Variants in SLC12A9 observed in about 807,000 individuals in gnomAD.
The protein encoded by SLC12A9 is CCC-interacting protein 1.
In SLC12A9, 55 loss-of-function variants were observed where a neutral mutation model predicts 66.0. The ratio of observed to expected loss-of-function variants is 0.83; its 90% CI spans 0.67 to 1.04. The LOEUF is 1.04. SLC12A9 is among the 50% of genes least tolerant of loss of function. SLC12A9 has a pLI of 0.00. For synonymous variants in SLC12A9, 577 were observed against 569.0 expected, an observed-to-expected ratio of 1.01 and a Z score of -0.20; for missense variants, 1,061 against 1,241.9, an observed-to-expected ratio of 0.85 and a Z score of 2.19.
intron 1 of SLC12A9, among the ~76,000 whole-genome samples, chr7:100,837,142 T>G (rs1347526812): frequency 1.3e-5 from 2 of 152,078 alleles, no homozygotes; most frequent in Non-Finnish European, 2.9e-5. Context: ...GGGGGCTCGC[T>G]ATGTTGCCCA....
chr7:100,832,544 AAGAC>A (rs775846719), intron 1 of SLC12A9, among the ~76,000 whole-genome samples: 3 of 152,162 alleles, frequency 2.0e-5, no homozygotes, highest in Non-Finnish European at 2.9e-5. Flanking sequence ...TCCTAGAGGA[AAGAC>A]AGAGAAAGAA....
In SLC12A9 at chr7:100,861,244, C is replaced by T. The variant is rs1345955806; in HGVS notation, c.1325C>T (p.Ala442Val). 6.2e-7 allele frequency: 1 copy of T among 1,614,074 alleles called. No homozygotes were observed. Among genetic ancestry groups the T allele is most frequent in the Admixed American group, 1.7e-5 (1 of 60,010 alleles). ...CTGTCCTGCCTGAGCCTGGAGTGGG[C>T]CTCGGCCCCCAACTTCCGGTGAGAG... is the stretch of plus-strand genomic sequence containing the variant. Reference protein sequence around the residue: ...VDLSCLSLEWASAPNFRPTFS... With the variant: ...VDLSCLSLEWVSAPNFRPTFS... The change falls in exon 10 of 14, where the codon GCC becomes GTC. Residue 442 changes from alanine (A) to valine (V), a missense_variant. Physicochemically the swap from Ala to Val is moderately conservative, Grantham distance 64. Transcript: ENST00000354161. The surrounding 1 kb of genome is among the most constrained non-coding windows in gnomAD (Gnocchi z 5.3).
chr7:100,848,175 G>A (rs997457823), upstream of SLC12A9, among the ~76,000 whole-genome samples: 6 of 151,644 alleles, frequency 4.0e-5, no homozygotes, highest in Non-Finnish European at 7.4e-5. Flanking sequence ...CTGGGCTAGA[G>A]GTACACCCTT....
In SLC12A9 at chr7:100,866,624, T is replaced by G; in HGVS notation, c.*19T>G. On this transcript the variant is annotated 3_prime_UTR_variant, in exon 14 of 14. Transcript: ENST00000354161. This position sits in a 1 kb window ranked among gnomAD's most constrained non-coding sequence, Gnocchi z 7.3. Reference sequence around the variant, plus strand: ...TCTGTGATGCCCCTGCCTCCAGGGCTAGGTAGAGAGGGCCCAGGCAGGCGG... The same window carrying G: ...TCTGTGATGCCCCTGCCTCCAGGGCGAGGTAGAGAGGGCCCAGGCAGGCGG... 1 of 1,518,146 alleles carries G rather than the reference T, an allele frequency of 6.6e-7. No homozygotes were observed. The highest frequency in any genetic ancestry group is 8.9e-7 in the Non-Finnish European group (1 of 1,129,076). 94.0% of individuals were successfully genotyped at this position (1,518,146 alleles called of 1,614,324 possible). A position where few individuals can be genotyped will look rare whatever the true frequency, so the allele number is the denominator to read the frequency against.
intron 1 of SLC12A9, among the ~76,000 whole-genome samples, chr7:100,838,883 T>C (rs188667737): frequency 1.3e-5 from 2 of 152,234 alleles, no homozygotes; most frequent in Admixed American, 6.5e-5. Context: ...ATTACAGACA[T>C]TGTATAGAAA....
upstream of SLC12A9, among the ~76,000 whole-genome samples, chr7:100,848,702 C>T (rs187266091): frequency 2.1e-4 from 32 of 151,810 alleles, no homozygotes; most frequent in East Asian, 2.4e-3. Context: ...CTGGCTAACA[C>T]GGTGAAACCC....
intron 1 of SLC12A9, among the ~76,000 whole-genome samples, chr7:100,827,710 A>G (rs1203000159): frequency 1.3e-5 from 2 of 151,686 alleles, no homozygotes. Flanking sequence ...AAGTTTGGAG[A>G]AGGGGGAGGG....
Position 100,861,083 on chromosome 7 carries a change from T to C in SLC12A9, c.1219-55T>C. ...GGCATTCTTTGGTGTTCACTGGCAT[T>C]TTGGGGGTGCACTGGCACTTTGGAA... On this transcript the variant is annotated intron_variant, in intron 9 of 13. Coordinates refer to ENST00000354161, the MANE Select transcript of SLC12A9 (RefSeq NM_020246.4). This position sits in a 1 kb window ranked among gnomAD's most constrained non-coding sequence, Gnocchi z 5.3. 6.2e-7 allele frequency: 1 copy of C among 1,613,302 alleles called. No homozygotes were observed. The highest frequency in any genetic ancestry group is 8.5e-7 in the Non-Finnish European group (1 of 1,179,788).
At chr7:100,863,457 C>A (rs1401212142) in intron 13 of SLC12A9, among the ~76,000 whole-genome samples, 2 of 152,158 alleles carry the variant, frequency 1.3e-5, no homozygotes, top group Non-Finnish European at 2.9e-5. Context: ...GAATCTCCAG[C>A]TGCCTCATCA....
Position 100,862,703 on chromosome 7 carries a change from A to G in SLC12A9, c.1734A>G (p.Val578=), listed in dbSNP as rs1368947245. Residue 578 remains valine (V), a synonymous_variant, in exon 13 of 14, where the codon GTA becomes GTG. Coordinates refer to ENST00000354161, the MANE Select transcript of SLC12A9 (RefSeq NM_020246.4). ...TAGACTCCCTGCCCTCGGACCCTGT[A>G]CAGCCGCAGTATGGGGCATGGCTCA... is the stretch of plus-strand genomic sequence containing the variant. ...GDLDSLPSDP[V]QPQYGAWLSL... 6.2e-7 allele frequency: 1 copy of G among 1,614,060 alleles called. No homozygotes were observed. Among genetic ancestry groups the G allele is most frequent in the Non-Finnish European group, 8.5e-7 (1 of 1,180,040 alleles).
intron 1 of SLC12A9, among the ~76,000 whole-genome samples, chr7:100,830,259 G>A (rs1562978454): frequency 1.3e-5 from 2 of 150,698 alleles, no homozygotes; most frequent in East Asian, 4.0e-4. Flanking sequence ...GGCTGAGACA[G>A]GAGAATTGCT....
In SLC12A9 at chr7:100,855,847, C is replaced by T. The variant is rs368920634; in HGVS notation, c.448+10C>T. 2 of 1,594,906 alleles carry T rather than the reference C, an allele frequency of 1.3e-6. No homozygotes were observed. Among genetic ancestry groups the T allele is most frequent in the Non-Finnish European group, 1.7e-6 (2 of 1,170,094 alleles). ...GATGTCTTCGGGGCCGGTCTGTGCT[C>T]TGTCCGATCTGGGCAGTGCTGCGGG... On this transcript the variant is annotated intron_variant, in intron 4 of 13. Coordinates refer to ENST00000354161, the MANE Select transcript of SLC12A9 (RefSeq NM_020246.4).
chr7:100,827,792 G>T (rs1381872401), intron 1 of SLC12A9, among the ~76,000 whole-genome samples: 8 of 152,216 alleles, frequency 5.3e-5, no homozygotes, highest in Non-Finnish European at 1.5e-5. Context: ...GACCGAGCAT[G>T]TCGGGGCTGG....
chr7:100,842,320 C>T (rs183721199), intron 1 of SLC12A9, among the ~76,000 whole-genome samples: 1 of 152,278 alleles, frequency 6.6e-6, no homozygotes, highest in Admixed American at 6.5e-5. Flanking sequence ...GTCAATTTCT[C>T]CTCAAACTAT....
rs945667041 is a variant in SLC12A9 at position 100,855,812 on chromosome 7, G to A, written c.423G>A (p.Glu141=). 22 of 1,612,414 alleles carry A rather than the reference G, an allele frequency of 1.4e-5. No homozygotes were observed. The highest frequency in any genetic ancestry group is 2.7e-5 in the African/African-American group (2 of 74,896). Residue 141 remains glutamate, a synonymous_variant, in exon 4 of 14, where the codon GAG becomes GAA. Coordinates refer to ENST00000354161, the MANE Select transcript of SLC12A9 (RefSeq NM_020246.4). The stretch of plus-strand genomic sequence containing the variant: ...CCGTCTCCCTCCTGGGGCTGGTGGA[G>A]TCTGTGCTTGATGTCTTCGGGGCCG... ...GCAVSLLGLV[E]SVLDVFGADA...
intron 2 of SLC12A9, 103 bp downstream of exon 2, chr7:100,854,481 A>G: frequency 6.3e-7 from 1 of 1,589,290 alleles, no homozygotes; most frequent in South Asian, 1.1e-5. Flanking sequence ...GGGACCCAAG[A>G]GAAGCGGTTG....
chr7:100,831,087 C>A (rs1423946264), intron 1 of SLC12A9, among the ~76,000 whole-genome samples: 1 of 152,218 alleles, frequency 6.6e-6, no homozygotes, highest in Non-Finnish European at 1.5e-5. Context: ...TGTTCCCAGC[C>A]CAGAGCAATA....
rs184443694 is a variant in SLC12A9, at chr7:100,838,075, A to G, written n.228+11028A>G. On this transcript the variant is annotated intron_variant and non_coding_transcript_variant, in intron 1 of 1. Transcript: ENST00000461016. ...ACAGGGTTTCACCATGTTAGCCAGGATGGTCTTGATCTCCTGACCTCGTGA... is the reference window on the plus strand; with the variant it reads ...ACAGGGTTTCACCATGTTAGCCAGGGTGGTCTTGATCTCCTGACCTCGTGA... 8.5e-3 allele frequency among the ~76,000 whole-genome samples: 1,292 copies of G among 151,970 alleles called. 16 individuals carry two copies. The highest frequency in any genetic ancestry group is 0.011 in the Non-Finnish European group (767 of 67,960).
intron 1 of SLC12A9, among the ~76,000 whole-genome samples, chr7:100,847,199 A>G (rs1396009247): frequency 2.6e-5 from 4 of 152,160 alleles, no homozygotes; most frequent in Non-Finnish European, 5.9e-5. Context: ...ATGGAAATAC[A>G]ATGTTGGCCA....
Sources: allele counts gnomAD v4.1 joint callset (sites outside exome capture counted in the v4.1 genomes callset), GRCh38; gene constraint gnomAD v4.1.1; non-coding constraint Gnocchi (gnomAD v3.1); transcripts MANE v1.5; gene names NCBI Gene and HGNC (gene_info 2026-07-23, HGNC 2026-07-21).